Variants in SYN3 observed in about 807,000 individuals in gnomAD.
The protein encoded by SYN3 is synapsin III.
A neutral mutation model predicts 65.8 loss-of-function variants in SYN3; 35 were observed. That is an observed-to-expected ratio of 0.53 (90% confidence interval 0.41 to 0.70). The LOEUF (loss-of-function observed/expected upper bound fraction) is 0.70. SYN3 is among the 30% of genes least tolerant of loss of function. The pLI, the probability that SYN3 is intolerant of heterozygous loss-of-function variation, is 0.00. For missense variants in SYN3, 680 were observed against 749.0 expected (o/e 0.91, Z 1.08); for synonymous variants, 270 against 292.9 (o/e 0.92, Z 0.80).
At chr22:32,553,014 G>T (rs1013889135) in intron 7 of SYN3, among the ~76,000 whole-genome samples, 1 of 152,212 alleles carries the variant, frequency 6.6e-6, no homozygotes, top group Non-Finnish European at 1.5e-5. Flanking sequence ...CTTGCAGATT[G>T]CTGCCTTCTG....
In SYN3 at chr22:32,528,907, T is replaced by C; in HGVS notation, c.1197A>G (p.Pro399=). The C allele has an allele frequency of 1.2e-6, 2 of 1,614,158 alleles. No homozygotes were observed. Among genetic ancestry groups the C allele is most frequent in the Middle Eastern group, 3.3e-4 (2 of 6,062 alleles). ...VVSKMSQLPM[P]GGTAPSPLRP... ...TGAGGGGGGAGGGCGCTGTGCCTCC[T>C]GGCATCGGGAGCTGGCTCATTTTGG... Residue 399 remains proline, a synonymous_variant, in exon 11 of 14, where the codon CCA becomes CCG. Transcript: ENST00000358763.
Position 33,044,443 on chromosome 22 carries a change from A to T in SYN3, c.-163+13849T>A, listed in dbSNP as rs183052080. On this transcript the variant is annotated intron_variant, in intron 1 of 13. Coordinates refer to ENST00000358763, the MANE Select transcript of SYN3 (RefSeq NM_003490.4). ...TGATGAATTGCTTCAATCACTTTAG[A>T]CTCACAGACTCATTGAGCACAGGAG... Among the ~76,000 whole-genome samples the T allele has an allele frequency of 2.7e-4, 41 of 152,150 alleles. No individual in the cohort carries two copies. The East Asian group carries it at 6.6e-3, about 24-fold the overall frequency.
intron 6 of SYN3, among the ~76,000 whole-genome samples, chr22:32,772,268 T>TC (rs1000237269): frequency 6.7e-5 from 10 of 150,262 alleles, no homozygotes; most frequent in African/African-American, 1.2e-4. Context: ...TCTTTTCTTT[T>TC]TTTTTTTTTT....
chr22:32,743,435 AG>A (rs1272658101), intron 6 of SYN3, among the ~76,000 whole-genome samples: 1 of 152,222 alleles, frequency 6.6e-6, no homozygotes, highest in Non-Finnish European at 1.5e-5. Context: ...CAGTGGACAC[AG>A]AGGAAGGAAA....
chr22:32,622,331 A>G (rs532010915), intron 6 of SYN3, among the ~76,000 whole-genome samples: 28 of 152,180 alleles, frequency 1.8e-4, no homozygotes, highest in African/African-American at 6.0e-4. Flanking sequence ...TCCCACCTCT[A>G]TCAAACTCTT....
chr22:32,908,166 AC>A (rs2049953775), intron 4 of SYN3, among the ~76,000 whole-genome samples: 2 of 151,638 alleles, frequency 1.3e-5, no homozygotes, highest in South Asian at 4.2e-4. Context: ...GCTCACTGCA[AC>A]CTCCGCCTCC....
Position 32,765,359 on chromosome 22 carries a change from T to C in SYN3, c.711+99556A>G, listed in dbSNP as rs191874062. 3.9e-5 allele frequency among the ~76,000 whole-genome samples: 6 copies of C among 152,286 alleles called. No individual in the cohort carries two copies. In the East Asian group the frequency reaches 1.2e-3, roughly 29 times the overall value. On this transcript the variant is annotated intron_variant, in intron 6 of 13. Transcript: ENST00000358763. ...CATCTGCCCTGGGGTCTCTGCAGCT[T>C]CTCACTCCTCCCGGGATATCTCTGG... is the stretch of plus-strand genomic sequence containing the variant.
chr22:32,714,577 T>C (rs1303790142), intron 6 of SYN3, among the ~76,000 whole-genome samples: 3 of 152,162 alleles, frequency 2.0e-5, no homozygotes, highest in African/African-American at 7.2e-5. Flanking sequence ...TTTTCTTTTT[T>C]TTTTTTCTTG....
chr22:32,623,466 G>C (rs975594388), intron 6 of SYN3, among the ~76,000 whole-genome samples: 39 of 152,172 alleles, frequency 2.6e-4, no homozygotes, highest in Admixed American at 2.2e-3. Context: ...AAAGCACTGG[G>C]ATTACAGGTA....
At chr22:32,615,749 G>A (rs1317604916) in intron 6 of SYN3, among the ~76,000 whole-genome samples, 2 of 152,158 alleles carry the variant, frequency 1.3e-5, no homozygotes, top group Non-Finnish European at 2.9e-5. Context: ...AACACAGGCC[G>A]CTTTTTCCCA....
intron 6 of SYN3, among the ~76,000 whole-genome samples, chr22:32,807,370 T>TTATATATAATATATATTA (rs1569239733): frequency 2.6e-5 from 3 of 114,694 alleles, no homozygotes; most frequent in Admixed American, 2.1e-4. Flanking sequence ...ATAATATATA[T>TTATATATAATATATATTA]TATATATAAT....
chr22:32,535,157 A>G (rs2058142634), intron 9 of SYN3, among the ~76,000 whole-genome samples: 1 of 152,130 alleles, frequency 6.6e-6, no homozygotes, highest in African/African-American at 2.4e-5. Flanking sequence ...CCAAATCCAG[A>G]TCCTGTCTGA....
chr22:32,760,252 C>T (rs918956825), intron 6 of SYN3, among the ~76,000 whole-genome samples: 1 of 145,910 alleles, frequency 6.9e-6, no homozygotes, highest in African/African-American at 2.6e-5. Context: ...TGCAGGCCTG[C>T]GGCCCTTCCT....
intron 6 of SYN3, among the ~76,000 whole-genome samples, chr22:32,853,904 G>A (rs542188473): frequency 6.6e-6 from 1 of 152,258 alleles, no homozygotes; most frequent in South Asian, 2.1e-4. Context: ...GAACACAGGT[G>A]GCAGAGAAGA....
chr22:32,933,798 A>C (rs1210034047), intron 3 of SYN3, among the ~76,000 whole-genome samples: 2 of 152,272 alleles, frequency 1.3e-5, no homozygotes, highest in Admixed American at 1.3e-4. Flanking sequence ...ATGAGGCATT[A>C]GGTGGCTTAT....
At chr22:33,025,450 AAAAAG>A (rs1386457391) in intron 1 of SYN3, among the ~76,000 whole-genome samples, 3 of 150,848 alleles carry the variant, frequency 2.0e-5, no homozygotes, top group South Asian at 2.1e-4. Flanking sequence ...AAAAAAAAAA[AAAAAG>A]AAAGCTGGTC....
intron 4 of SYN3, among the ~76,000 whole-genome samples, chr22:32,925,714 G>A (rs562498517): frequency 6.6e-6 from 1 of 152,248 alleles, no homozygotes; most frequent in Non-Finnish European, 1.5e-5. Context: ...CTAGAATCAC[G>A]AGGGGAGCTT....
In SYN3 at chr22:32,941,628, C is replaced by T. The variant is rs564607393; in HGVS notation, c.370-10147G>A. Among the ~76,000 whole-genome samples the T allele has an allele frequency of 9.1e-4, 139 of 152,158 alleles. 1 individual carries two copies. Among genetic ancestry groups the T allele is most frequent in the African/African-American group, 3.1e-3 (130 of 41,524 alleles). On this transcript the variant is annotated intron_variant, in intron 3 of 13. Coordinates refer to ENST00000358763, the MANE Select transcript of SYN3 (RefSeq NM_003490.4). ...AGGACAGTCGGTGCAGCCCACCGAG[C>T]GAGAGCCAAAGCAGGGCGAGGCATC...
intron 4 of SYN3, among the ~76,000 whole-genome samples, chr22:32,924,644 T>G (rs997751147): frequency 8.5e-5 from 13 of 152,220 alleles, no homozygotes; most frequent in African/African-American, 3.1e-4. Flanking sequence ...CATTTTAACA[T>G]GAGATCTCCC....
Sources: allele counts gnomAD v4.1 joint callset (sites outside exome capture counted in the v4.1 genomes callset), GRCh38; gene constraint gnomAD v4.1.1; transcripts MANE v1.5; gene names NCBI Gene and HGNC (gene_info 2026-07-23, HGNC 2026-07-21).